Variants in UNC13C observed in about 807,000 individuals in gnomAD.
UNC13C encodes protein unc-13 homolog C.
In UNC13C, 174 loss-of-function variants were observed where a neutral mutation model predicts 245.4. That is an observed-to-expected ratio of 0.71 (90% CI 0.63 to 0.80). The LOEUF is 0.80. Among genes scored for constraint, UNC13C ranks in the 30% least tolerant of loss-of-function variants. The probability of loss-of-function intolerance (pLI) is 0.00; values close to 1 mark genes in which losing one functional copy is unlikely to be tolerated. For missense variants in UNC13C, 2,829 were observed against 2,602.9 expected (o/e 1.09, Z -1.89); for synonymous variants, 992 against 895.1 (o/e 1.11, Z -1.93).
At chr15:54,203,728 AC>A (rs1008250828) in intron 4 of UNC13C, among the ~76,000 whole-genome samples, 60 of 138,308 alleles carry the variant, frequency 4.3e-4, no homozygotes, top group African/African-American at 1.5e-3. Flanking sequence ...ACACATATAT[AC>A]ACATATACAT....
At chr15:53,946,078 T>C in the UNC13C span, among the ~76,000 whole-genome samples, 9 of 152,284 alleles carry the variant, frequency 5.9e-5, no homozygotes, top group African/African-American at 1.7e-4. Context: ...GTTTTGTCCA[T>C]TGATTTTTTT....
chr15:53,903,074 A>T, the UNC13C span, among the ~76,000 whole-genome samples: 1 of 152,232 alleles, frequency 6.6e-6, no homozygotes, highest in Non-Finnish European at 1.5e-5. Flanking sequence ...GATAATGCCA[A>T]TGTAATTATT....
intron 4 of UNC13C, among the ~76,000 whole-genome samples, chr15:54,233,038 G>GA (rs895780144): frequency 1.3e-5 from 2 of 151,968 alleles, no homozygotes; most frequent in African/African-American, 4.8e-5. Flanking sequence ...TGGGGCTTAA[G>GA]AAAAAAAGTT....
chr15:54,222,191 T>C (rs971843198), intron 4 of UNC13C, among the ~76,000 whole-genome samples: 8 of 151,956 alleles, frequency 5.3e-5, no homozygotes, highest in Non-Finnish European at 1.0e-4. Flanking sequence ...ATTTTATCCA[T>C]TCTATCCATT....
chr15:54,303,452 T>A (rs2037640538), intron 13 of UNC13C, among the ~76,000 whole-genome samples: 1 of 149,634 alleles, frequency 6.7e-6, no homozygotes, highest in African/African-American at 2.6e-5. Context: ...GATGTTAGAT[T>A]CATTCATTTC....
At chr15:54,368,309 T>A (rs2039411947) in intron 17 of UNC13C, among the ~76,000 whole-genome samples, 1 of 152,126 alleles carries the variant, frequency 6.6e-6, no homozygotes, top group East Asian at 1.9e-4. Flanking sequence ...AGAATTATGA[T>A]GTTTTCTTTT....
At chr15:53,922,016 T>C in the UNC13C span, among the ~76,000 whole-genome samples, 21 of 152,342 alleles carry the variant, frequency 1.4e-4, no homozygotes, top group Middle Eastern at 3.4e-3. Context: ...AAATGCAGTA[T>C]GAATAATGTT....
intron 2 of UNC13C, among the ~76,000 whole-genome samples, chr15:54,047,804 G>T (rs1897104114): frequency 1.3e-5 from 2 of 151,992 alleles, no homozygotes; most frequent in African/African-American, 2.4e-5. Context: ...CAATTTAGAG[G>T]TCAAATAGAA....
At chr15:54,481,355 C>G (rs947430150) in intron 19 of UNC13C, among the ~76,000 whole-genome samples, 7 of 152,118 alleles carry the variant, frequency 4.6e-5, no homozygotes, top group African/African-American at 1.4e-4. Flanking sequence ...AGGCCAGTCC[C>G]TGACCCCTGA....
intron 1 of UNC13C, among the ~76,000 whole-genome samples, chr15:54,000,525 A>G (rs1432845174): frequency 6.6e-6 from 1 of 152,170 alleles, no homozygotes; most frequent in Non-Finnish European, 1.5e-5. Flanking sequence ...ATTTTAGATG[A>G]TCTATCAAGT....
chr15:54,028,196 T>C (rs1271487994), intron 2 of UNC13C, among the ~76,000 whole-genome samples: 1 of 152,204 alleles, frequency 6.6e-6, no homozygotes, highest in African/African-American at 2.4e-5. Flanking sequence ...TTTCAGTTGA[T>C]TTCATAATGT....
chr15:53,997,857 A>G (rs1189060973), intron 1 of UNC13C, among the ~76,000 whole-genome samples: 6 of 151,562 alleles, frequency 4.0e-5, no homozygotes, highest in Admixed American at 3.9e-4. Context: ...GGCTGCAGTG[A>G]AGTGGCACAA....
chr15:53,946,442 CTTTTTTTTGTTTT>C, the UNC13C span, among the ~76,000 whole-genome samples: 10 of 68,950 alleles, frequency 1.5e-4, no homozygotes, highest in Non-Finnish European at 2.2e-4. Context: ...CTGAGGTGTT[CTTTTTTTTGTTTT>C]TTTTTTTTTT....
chr15:54,253,908 C>T (rs1001960014), intron 8 of UNC13C, among the ~76,000 whole-genome samples: 6 of 152,172 alleles, frequency 3.9e-5, no homozygotes, highest in African/African-American at 1.4e-4. Context: ...AAGAAGGAAT[C>T]CCAGAGTCTT....
At chr15:54,530,510 G>A (rs1258773529) in intron 25 of UNC13C, among the ~76,000 whole-genome samples, 1 of 152,066 alleles carries the variant, frequency 6.6e-6, no homozygotes, top group Non-Finnish European at 1.5e-5. Flanking sequence ...GAGGGAAACA[G>A]GCAATAAGCA....
At chr15:54,401,215 C>T (rs2040175709) in intron 18 of UNC13C, among the ~76,000 whole-genome samples, 1 of 152,080 alleles carries the variant, frequency 6.6e-6, no homozygotes, top group Admixed American at 6.6e-5. Flanking sequence ...TATCATCTTT[C>T]ATTAACAGTT....
chr15:54,248,448 G>C (rs934495171), intron 7 of UNC13C, among the ~76,000 whole-genome samples: 10 of 152,068 alleles, frequency 6.6e-5, no homozygotes, highest in African/African-American at 2.2e-4. Context: ...TACTCACTAT[G>C]CTAGATATTA....
the UNC13C span, among the ~76,000 whole-genome samples, chr15:53,949,648 C>G: frequency 1.3e-5 from 2 of 152,082 alleles, no homozygotes; most frequent in Non-Finnish European, 2.9e-5. Context: ...AGATGAATCC[C>G]AAACAGAGGA....
chr15:53,888,016 G>A, the UNC13C span, among the ~76,000 whole-genome samples: 13 of 152,130 alleles, frequency 8.5e-5, no homozygotes, highest in Non-Finnish European at 1.5e-4. Flanking sequence ...ATAAACATAC[G>A]TGTGCATGTG....
Sources: allele counts gnomAD v4.1 joint callset (sites outside exome capture counted in the v4.1 genomes callset), GRCh38; gene constraint gnomAD v4.1.1; transcripts MANE v1.5; gene names NCBI Gene and HGNC (gene_info 2026-07-23, HGNC 2026-07-21).